Variants in CHRM2 observed in about 807,000 individuals in gnomAD.
CHRM2 encodes the protein cholinergic receptor muscarinic 2.
In CHRM2, 8 loss-of-function variants were observed where a neutral mutation model predicts 25.0. The ratio of observed to expected loss-of-function variants is 0.32; its 90% CI spans 0.19 to 0.58. The LOEUF is 0.58. Ranked by LOEUF, CHRM2 falls within the 20% of genes least tolerant of loss-of-function variation. The pLI, the probability that CHRM2 is intolerant of heterozygous loss-of-function variation, is 0.88. For synonymous variants in CHRM2, 202 were observed against 205.7 expected (o/e 0.98, Z 0.15); for missense variants, 440 against 567.1 (o/e 0.78, Z 2.28).
In CHRM2 at chr7:137,014,793, T is replaced by G. The variant is rs562827336; in HGVS notation, c.-46-27T>G. The G allele has an allele frequency of 7.0e-6, 9 of 1,292,358 alleles. No homozygotes were observed. In the African/African-American group the frequency reaches 1.0e-4, roughly 15 times the overall value. 80.1% of individuals were successfully genotyped at this position (1,292,358 alleles called of 1,614,324 possible). A position where few individuals can be genotyped will look rare whatever the true frequency, so the allele number is the denominator to read the frequency against. On this transcript the variant is annotated intron_variant, in intron 3 of 3. Transcript: ENST00000680005. ...TTTAAACCAATGTTTATATTATGTT[T>G]GTTAATTTTATTCTATTTCCTTGCA...
chr7:136,952,511 C>T (rs554836684), intron 2 of CHRM2, among the ~76,000 whole-genome samples: 1 of 152,272 alleles, frequency 6.6e-6, no homozygotes, highest in East Asian at 1.9e-4. Flanking sequence ...TTCTACACTG[C>T]TGTTCTCTAC....
intron 2 of CHRM2, chr7:136,870,748 C>G (rs1467515766): frequency 4.6e-5 from 7 of 152,294 alleles, no homozygotes; most frequent in Non-Finnish European, 1.0e-4. Context: ...GCCGCCCTCC[C>G]GCGTCTTTAA....
chr7:136,922,890 T>C (rs1422913065), intron 2 of CHRM2, among the ~76,000 whole-genome samples: 1 of 152,210 alleles, frequency 6.6e-6, no homozygotes, highest in Non-Finnish European at 1.5e-5. Context: ...AAATACACTT[T>C]ACAAAGGGAT....
At chr7:136,922,976 G>T in intron 2 of CHRM2, among the ~76,000 whole-genome samples, 1 of 152,202 alleles carries the variant, frequency 6.6e-6, no homozygotes, top group East Asian at 1.9e-4. Flanking sequence ...GATTATAATA[G>T]GAATGGTGTA....
intron 2 of CHRM2, among the ~76,000 whole-genome samples, chr7:136,959,986 C>T (rs770556160): frequency 2.6e-5 from 4 of 152,116 alleles, no homozygotes; most frequent in Non-Finnish European, 5.9e-5. Context: ...CTAAATAGTA[C>T]AGCCTCATAC....
intron 2 of CHRM2, among the ~76,000 whole-genome samples, chr7:136,949,871 A>G (rs1420683572): frequency 6.6e-6 from 1 of 152,038 alleles, no homozygotes; most frequent in Non-Finnish European, 1.5e-5. Context: ...TTTCTATAGC[A>G]TAAGCCTGCG....
chr7:136,883,761 G>A (rs1796355228), intron 2 of CHRM2, among the ~76,000 whole-genome samples: 1 of 151,788 alleles, frequency 6.6e-6, no homozygotes, highest in Admixed American at 6.6e-5. Flanking sequence ...ACAATTTAGT[G>A]GTAAGATTTT....
intron 2 of CHRM2, among the ~76,000 whole-genome samples, chr7:136,937,163 G>T (rs1799462819): frequency 6.6e-6 from 1 of 152,022 alleles, no homozygotes; most frequent in South Asian, 2.1e-4. Context: ...ATTTACTCAG[G>T]GATCTACAGG....
At chr7:136,952,747 C>T (rs1426545117) in intron 2 of CHRM2, among the ~76,000 whole-genome samples, 4 of 152,140 alleles carry the variant, frequency 2.6e-5, no homozygotes, top group East Asian at 1.9e-4. Context: ...AATAGGCCCC[C>T]GTATATGTTG....
intron 2 of CHRM2, among the ~76,000 whole-genome samples, chr7:136,913,121 G>A (rs886191449): frequency 1.5e-4 from 23 of 151,812 alleles, no homozygotes; most frequent in Admixed American, 1.4e-3. Flanking sequence ...AATACATTAA[G>A]CTCCTGACAA....
intron 2 of CHRM2, among the ~76,000 whole-genome samples, chr7:136,950,813 T>A (rs1458515308): frequency 2.6e-5 from 4 of 152,058 alleles, no homozygotes; most frequent in East Asian, 3.9e-4. Context: ...GTTGTTGTTG[T>A]TGTTGTTGTT....
At chr7:136,895,681 G>A (rs942301872) in intron 2 of CHRM2, among the ~76,000 whole-genome samples, 1 of 152,064 alleles carries the variant, frequency 6.6e-6, no homozygotes, top group African/African-American at 2.4e-5. Context: ...AAACTTTCTT[G>A]CTACTAAACC....
chr7:136,899,350 G>A (rs1365114729), intron 2 of CHRM2: 2 of 152,036 alleles, frequency 1.3e-5, no homozygotes, highest in African/African-American at 4.8e-5. Context: ...GACCACAAGT[G>A]AATGCTCATC....
At position 137,017,149 on chromosome 7, in the gene CHRM2, G is replaced by C. The variant is rs1473237716; in HGVS notation, c.*883G>C. The C allele has an allele frequency of 2.6e-5, 4 of 151,950 alleles. No individual in the cohort carries two copies. Among genetic ancestry groups the C allele is most frequent in the Non-Finnish European group, 5.9e-5 (4 of 67,924 alleles). The allele number at this position is 151,950 out of a possible 1,614,324, so 9.4% of individuals were successfully genotyped here. A position where few individuals can be genotyped will look rare whatever the true frequency, so the allele number is the denominator to read the frequency against. ...TCCTAAATAGCCTTTTATATCAACA[G>C]AATATCCTACCTAAAACATAAACCT... On this transcript the variant is annotated 3_prime_UTR_variant, in exon 4 of 4. Coordinates refer to ENST00000680005, the MANE Select transcript of CHRM2 (RefSeq NM_001006630.2).
At chr7:136,982,271 A>G (rs908455780) in intron 2 of CHRM2, among the ~76,000 whole-genome samples, 25 of 151,684 alleles carry the variant, frequency 1.6e-4, no homozygotes, top group African/African-American at 5.1e-4. Context: ...TGCAACCCCT[A>G]CTTATTTTGC....
intron 2 of CHRM2, among the ~76,000 whole-genome samples, chr7:136,979,710 C>T (rs1802356141): frequency 6.6e-6 from 1 of 152,152 alleles, no homozygotes. Flanking sequence ...GGAATCCTTT[C>T]CCCATTGCTT....
intron 2 of CHRM2, among the ~76,000 whole-genome samples, chr7:136,886,777 G>C (rs1796482953): frequency 6.6e-6 from 1 of 152,090 alleles, no homozygotes; most frequent in African/African-American, 2.4e-5. Flanking sequence ...GAGGCTGAGG[G>C]GGAGGATCAT....
At chr7:136,979,012 T>C (rs1422262359) in intron 2 of CHRM2, among the ~76,000 whole-genome samples, 2 of 152,186 alleles carry the variant, frequency 1.3e-5, no homozygotes, top group Non-Finnish European at 2.9e-5. Context: ...TCTAGATGCT[T>C]GAGGAATTGC....
At chr7:136,913,767 TA>T (rs1166481118) in intron 2 of CHRM2, among the ~76,000 whole-genome samples, 9 of 151,948 alleles carry the variant, frequency 5.9e-5, no homozygotes, top group African/African-American at 2.2e-4. Flanking sequence ...TAAAAAATTA[TA>T]AAGCTGAAGC....
Sources: gnomAD v4.1 joint callset for allele counts (sites outside exome capture counted in the v4.1 genomes callset) on GRCh38, gnomAD v4.1.1 for gene constraint, MANE v1.5 for transcripts, NCBI Gene and HGNC (gene_info 2026-07-23, HGNC 2026-07-21) for gene names.